ABCC8: variants seen among roughly 807,000 people sequenced by gnomAD.
ABCC8 encodes the protein ATP binding cassette subfamily C member 8.
In ABCC8, 137 loss-of-function variants were observed where a neutral mutation model predicts 188.0. That is an observed-to-expected ratio of 0.73 (90% CI 0.63 to 0.84). The LOEUF is 0.84. ABCC8 is among the 40% of genes least tolerant of loss of function. The probability of loss-of-function intolerance (pLI) is 0.00; values close to 1 mark genes in which losing one functional copy is unlikely to be tolerated. For missense variants in ABCC8, 1,750 were observed against 2,072.7 expected, an observed-to-expected ratio of 0.84 and a Z score of 3.02; for synonymous variants, 797 against 846.5, an observed-to-expected ratio of 0.94 and a Z score of 1.01.
intron 7 of ABCC8, among the ~76,000 whole-genome samples, chr11:17,450,912 C>A (rs1956792086): frequency 6.6e-6 from 1 of 151,924 alleles, no homozygotes; most frequent in South Asian, 2.1e-4. Flanking sequence ...TGGTCTCAAA[C>A]TTCTGACCTT....
chr11:17,402,666 G>A lies in ABCC8; in HGVS notation c.3645C>T (p.Ala1215=). 6.2e-7 allele frequency: 1 copy of A among 1,614,240 alleles called. No homozygotes were observed. Among genetic ancestry groups the A allele is most frequent in the Admixed American group, 1.7e-5 (1 of 60,026 alleles). The change falls in exon 29 of 39, where the codon GCC becomes GCT. Residue 1215 remains alanine (A), a synonymous_variant. Coordinates refer to ENST00000389817, the MANE Select transcript of ABCC8 (RefSeq NM_000352.6). ...GGGGGAATGTGGACTCGTACCTGAA[G>A]GCCCGGATGGTGGTGAGTCCTTCTA... is the stretch of plus-strand genomic sequence containing the variant. ...ETVEGLTTIR[A]FRYEARFQQK... is the part of the protein sequence containing the mutation.
chr11:17,429,587 TCTGGTGTTCCATTC>T (rs1955751981), intron 12 of ABCC8: 1 of 152,396 alleles, frequency 6.6e-6, no homozygotes, highest in Middle Eastern at 3.4e-3. Context: ...CCTCTGCTAC[TCTGGTGTTCCATTC>T]CTGGAAACAG....
intron 7 of ABCC8, among the ~76,000 whole-genome samples, chr11:17,449,216 G>A (rs563501504): frequency 6.6e-6 from 1 of 152,118 alleles, no homozygotes; most frequent in African/African-American, 2.4e-5. Flanking sequence ...ATGAGCCACC[G>A]CACCCGGTCT....
At chr11:17,466,546 G>C (rs538925480) in intron 3 of ABCC8, among the ~76,000 whole-genome samples, 85 of 152,248 alleles carry the variant, frequency 5.6e-4, no homozygotes, top group African/African-American at 2.0e-3. Context: ...TGAGTACAGA[G>C]TTTCAACCTG....
At chr11:17,469,969 C>T (rs982421075) in intron 3 of ABCC8, 132 bp downstream of exon 3, 3 of 1,151,514 alleles carry the variant, frequency 2.6e-6, no homozygotes, top group Admixed American at 2.0e-5. Flanking sequence ...TCCATGAAGG[C>T]AGGGATTTTT....
intron 16 of ABCC8, among the ~76,000 whole-genome samples, chr11:17,421,708 G>C (rs566632310): frequency 6.6e-6 from 1 of 152,344 alleles, no homozygotes; most frequent in East Asian, 1.9e-4. Context: ...GAAACTGGTA[G>C]AGAAAGCTTA....
At chr11:17,411,226 ATTGT>A (rs1954790650) in intron 21 of ABCC8, among the ~76,000 whole-genome samples, 1 of 152,120 alleles carries the variant, frequency 6.6e-6, no homozygotes. Context: ...AGATCTGATC[ATTGT>A]TTGTCCATTC....
chr11:17,394,059 A>G (rs1953772651), intron 37 of ABCC8, among the ~76,000 whole-genome samples: 1 of 151,986 alleles, frequency 6.6e-6, no homozygotes, highest in Non-Finnish European at 1.5e-5. Context: ...GTGTTTGCAT[A>G]GTGTTTTTGT....
In ABCC8 at chr11:17,414,331, A is replaced by G. The variant is rs11024280; in HGVS notation, c.2390+181T>C. ...CCCCTATGGGAGCTGGATTGCCCCA[A>G]TGCTCAGGCACACCTGGCCCCTCTC... On this transcript the variant is annotated intron_variant, in intron 19 of 38. Transcript: ENST00000389817. 3.5e-3 allele frequency among the ~76,000 whole-genome samples: 528 copies of G among 152,200 alleles called. 1 individual carries two copies. The highest frequency in any genetic ancestry group is 0.012 in the African/African-American group (502 of 41,510).
chr11:17,437,926 C>G (rs550827100), intron 10 of ABCC8, among the ~76,000 whole-genome samples: 21 of 152,344 alleles, frequency 1.4e-4, no homozygotes, highest in Admixed American at 3.9e-4. Flanking sequence ...TGGCGAAACC[C>G]TGTCTCTACT....
Position 17,393,018 on chromosome 11 carries a change from G to A in ABCC8, c.4719C>T (p.Phe1573=), listed in dbSNP as rs772045105. The stretch of plus-strand genomic sequence containing the variant: ...ACTTGTCTGCACGGACGAAGGAGGC[G>A]AAGACGCTGTCCTTCCGGCTGAGCA... ...EKLLSRKDSV[F]ASFVRADK The change falls in exon 39 of 39, where the codon TTC becomes TTT. Residue 1573 remains phenylalanine, a synonymous_variant. Transcript: ENST00000389817. 145 of 1,614,058 alleles carry A rather than the reference G, an allele frequency of 9.0e-5. No homozygotes were observed. Among genetic ancestry groups the A allele is most frequent in the Middle Eastern group, 1.6e-4 (1 of 6,084 alleles).
Position 17,406,659 on chromosome 11 carries a change from G to T in ABCC8, c.3292C>A (p.Arg1098Ser). 1 of 1,614,156 alleles carries T rather than the reference G, an allele frequency of 6.2e-7. No homozygotes were observed. The highest frequency in any genetic ancestry group is 8.5e-7 in the Non-Finnish European group (1 of 1,180,028). Residue 1098 changes from arginine to serine, a missense_variant, in exon 26 of 39, where the codon CGC (arginine) becomes AGC (serine). Arg to Ser is a moderately radical substitution (Grantham distance 110). Coordinates refer to ENST00000389817, the MANE Select transcript of ABCC8 (RefSeq NM_000352.6). ...AGGATGATCCGGTTTAGCAGGCTGC[G>T]GTGCAGTCTCTTGGCCACCTTCAGC... is the stretch of plus-strand genomic sequence containing the variant. ...TGLKVAKRLH[R>S]SLLNRIILAP...
chr11:17,469,581 G>GTTA (rs1319132544), intron 3 of ABCC8, among the ~76,000 whole-genome samples: 2 of 151,890 alleles, frequency 1.3e-5, no homozygotes, highest in Non-Finnish European at 2.9e-5. Context: ...TGTCACATCA[G>GTTA]TTATTGATGC....
chr11:17,453,290 G>C lies in ABCC8; in HGVS notation c.1012-7C>G, dbSNP rs1432242497. 2 of 1,613,942 alleles carry C rather than the reference G, an allele frequency of 1.2e-6. No individual in the cohort carries two copies. The highest frequency in any genetic ancestry group is 2.7e-5 in the African/African-American group (2 of 75,008). On this transcript the variant is annotated splice_region_variant and splice_polypyrimidine_tract_variant and intron_variant, in intron 6 of 38. Coordinates refer to ENST00000389817, the MANE Select transcript of ABCC8 (RefSeq NM_000352.6). ...AAACCCCGAGAAATTGTGTCTGTTG[G>C]AAAGAGAAGTTCAGAGGTGACTGTC...
rs1056293405 is a variant in ABCC8, at chr11:17,404,689, G to A, written c.3400-20C>T. The A allele has an allele frequency of 1.9e-6, 3 of 1,589,264 alleles. No homozygotes were observed. Among genetic ancestry groups the A allele is most frequent in the Non-Finnish European group, 1.7e-6 (2 of 1,168,186 alleles). On this transcript the variant is annotated intron_variant, in intron 27 of 38. Coordinates refer to ENST00000389817, the MANE Select transcript of ABCC8 (RefSeq NM_000352.6). The surrounding 1 kb of genome is among the most constrained non-coding windows in gnomAD (Gnocchi z 4.7). ...GATGTGCTGAGGGAGACGAGGGGGA[G>A]AGAGTGAGGTGAATTTTGGTATTGA...
At chr11:17,411,029 A>T (rs1235022892) in intron 21 of ABCC8, among the ~76,000 whole-genome samples, 1 of 152,128 alleles carries the variant, frequency 6.6e-6, no homozygotes, top group Non-Finnish European at 1.5e-5. Context: ...CCAGGTTCCC[A>T]GGAAGCCTGC....
rs373646701 is a variant in ABCC8 at position 17,404,499 on chromosome 11, C to T, written c.3557+13G>A. ...GCAAAGCACCTCCCACCCCTCACCC[C>T]TGAGGCCATCACCTGGACGCCACCC... is the stretch of plus-strand genomic sequence containing the variant. On this transcript the variant is annotated intron_variant, in intron 28 of 38. Transcript: ENST00000389817. This position sits in a 1 kb window ranked among gnomAD's most constrained non-coding sequence, Gnocchi z 4.7. 6.2e-7 allele frequency: 1 copy of T among 1,612,756 alleles called. No homozygotes were observed. The highest frequency in any genetic ancestry group is 1.3e-5 in the African/African-American group (1 of 74,890).
In ABCC8 at chr11:17,412,663, C is replaced by A; in HGVS notation, c.2556+3G>T. The A allele has an allele frequency of 1.2e-6, 2 of 1,610,492 alleles. No individual in the cohort carries two copies. Among genetic ancestry groups the A allele is most frequent in the Non-Finnish European group, 1.7e-6 (2 of 1,178,312 alleles). On this transcript the variant is annotated splice_donor_region_variant and intron_variant, in intron 21 of 38. Coordinates refer to ENST00000389817, the MANE Select transcript of ABCC8 (RefSeq NM_000352.6). ...CCAGGACCCCAAGGGAACTTGCACT[C>A]ACCAAGAAGACAACGTTGGCGTGCT...
At chr11:17,435,014 T>TGTGTGTGC (rs1956021414) in intron 10 of ABCC8, among the ~76,000 whole-genome samples, 2 of 151,934 alleles carry the variant, frequency 1.3e-5, no homozygotes, top group Admixed American at 1.3e-4. Flanking sequence ...TGTGTGTGTG[T>TGTGTGTGC]GTGTTTTGCA....
Sources: allele counts gnomAD v4.1 joint callset (sites outside exome capture counted in the v4.1 genomes callset), GRCh38; gene constraint gnomAD v4.1.1; non-coding constraint Gnocchi (gnomAD v3.1); transcripts MANE v1.5; gene names NCBI Gene and HGNC (gene_info 2026-07-23, HGNC 2026-07-21).